The following WNT9B variants were observed in gnomAD, a reference collection of about 807,000 sequenced individuals.
WNT9B encodes protein Wnt-9b.
A neutral mutation model predicts 30.2 loss-of-function variants in WNT9B; 12 were observed. That is an observed-to-expected ratio of 0.40 (90% confidence interval 0.26 to 0.64). The LOEUF is 0.64. WNT9B is among the 30% of genes least tolerant of loss of function. The pLI, the probability that WNT9B is intolerant of heterozygous loss-of-function variation, is 0.42. For missense variants in WNT9B, 442 were observed against 485.2 expected, an observed-to-expected ratio of 0.91 and a Z score of 0.84; for synonymous variants, 218 against 216.9, an observed-to-expected ratio of 1.01 and a Z score of -0.05.
At chr17:46,857,958 C>G (rs1364838592) in intron 1 of WNT9B, among the ~76,000 whole-genome samples, 1 of 152,100 alleles carries the variant, frequency 6.6e-6, no homozygotes, top group African/African-American at 2.4e-5. Context: ...GAGATGGAGT[C>G]TCACTCTGTA....
downstream of WNT9B, among the ~76,000 whole-genome samples, chr17:46,881,671 C>T (rs147713020): frequency 5.7e-3 from 866 of 152,276 alleles, 8 homozygotes; most frequent in African/African-American, 0.02. Flanking sequence ...TCCAGCTGCT[C>T]AATGCCACCA....
chr17:46,845,663 GT>G (rs1446581493), intron 1 of WNT9B, among the ~76,000 whole-genome samples: 1 of 150,972 alleles, frequency 6.6e-6, no homozygotes, highest in African/African-American at 2.4e-5. Flanking sequence ...GCTAACTTTT[GT>G]ATTTTTAGTA....
At chr17:46,840,615 C>A (rs1355258500) in intron 1 of WNT9B, among the ~76,000 whole-genome samples, 2 of 152,242 alleles carry the variant, frequency 1.3e-5, no homozygotes, top group Middle Eastern at 3.2e-3. Context: ...TACACTCCCA[C>A]CAACAGTGTA....
chr17:46,886,092 TTCTC>T (rs2085485677), exon 5 of WNT9B: 1 of 152,334 alleles, frequency 6.6e-6, no homozygotes, highest in South Asian at 2.1e-4. Context: ...ATGAACTTCT[TTCTC>T]TCCCTCCAGC....
At chr17:46,836,882 T>C (rs1159304847) in intron 1 of WNT9B, among the ~76,000 whole-genome samples, 1 of 152,258 alleles carries the variant, frequency 6.6e-6, no homozygotes, top group Non-Finnish European at 1.5e-5. Flanking sequence ...AATTTTGGTT[T>C]GTAAATGAAC....
At chr17:46,856,702 T>C (rs2084944954) in intron 1 of WNT9B, among the ~76,000 whole-genome samples, 1 of 150,808 alleles carries the variant, frequency 6.6e-6, no homozygotes, top group African/African-American at 2.5e-5. Context: ...CAAGCAGGTC[T>C]CAAACTCCTG....
upstream of WNT9B, among the ~76,000 whole-genome samples, chr17:46,846,864 T>C (rs1257341722): frequency 6.6e-6 from 1 of 152,194 alleles, no homozygotes; most frequent in Non-Finnish European, 1.5e-5. Context: ...CTGCCAGCTC[T>C]GGAGTGAGCT....
downstream of WNT9B, among the ~76,000 whole-genome samples, chr17:46,882,990 T>G (rs1462847164): frequency 6.6e-6 from 1 of 151,816 alleles, no homozygotes; most frequent in Non-Finnish European, 1.5e-5. Flanking sequence ...TCCCCATTTT[T>G]TTTTTTGAGA....
At chr17:46,862,198 G>C (rs1455106132) in intron 1 of WNT9B, among the ~76,000 whole-genome samples, 2 of 151,078 alleles carry the variant, frequency 1.3e-5, no homozygotes, top group Admixed American at 6.6e-5. Flanking sequence ...AAAAGAAAAG[G>C]GAAAGAAAAG....
At chr17:46,834,599 G>A (rs2084602484) in intron 1 of WNT9B, among the ~76,000 whole-genome samples, 1 of 152,148 alleles carries the variant, frequency 6.6e-6, no homozygotes, top group African/African-American at 2.4e-5. Context: ...CTGGGCTGTA[G>A]GTAGGGGCTC....
chr17:46,869,742 T>C (rs1465398485), intron 1 of WNT9B, among the ~76,000 whole-genome samples: 3 of 152,152 alleles, frequency 2.0e-5, no homozygotes, highest in Non-Finnish European at 2.9e-5. Flanking sequence ...CTCACGTCTG[T>C]AATTCCAGCA....
At chr17:46,875,073 T>A (rs1040447236) in intron 2 of WNT9B, 28 bp from the exon 3 acceptor site, 1 of 1,613,158 alleles carries the variant, frequency 6.2e-7, no homozygotes, top group Non-Finnish European at 8.5e-7. Flanking sequence ...CTTTCCTCCC[T>A]CCCTATGCCC....
intron 1 of WNT9B, among the ~76,000 whole-genome samples, chr17:46,864,313 C>A (rs1301258098): frequency 6.6e-6 from 1 of 152,180 alleles, no homozygotes; most frequent in African/African-American, 2.4e-5. Context: ...ACTTCCCACC[C>A]ACTGCCTCCA....
chr17:46,838,446 C>T (rs1005248087), intron 1 of WNT9B, among the ~76,000 whole-genome samples: 4 of 151,628 alleles, frequency 2.6e-5, no homozygotes, highest in African/African-American at 9.7e-5. Context: ...GGGCAACATA[C>T]TGAGACCCCA....
chr17:46,882,965 T>A (rs1308619345), downstream of WNT9B, among the ~76,000 whole-genome samples: 1 of 151,382 alleles, frequency 6.6e-6, no homozygotes, highest in Non-Finnish European at 1.5e-5. Context: ...ACCCCAGGGG[T>A]CCATACAACC....
At position 46,876,618 on chromosome 17, in the gene WNT9B, G is replaced by T. The variant is rs756619453; in HGVS notation, c.974G>T (p.Arg325Leu). 16 of 1,611,048 alleles carry T rather than the reference G, an allele frequency of 9.9e-6. No homozygotes were observed. In the South Asian group the frequency reaches 1.3e-4, roughly 13 times the overall value. The change falls in exon 4 of 4, where the codon CGC becomes CTC. Residue 325 changes from arginine (R) to leucine (L), a missense_variant. Arg to Leu is a moderately radical substitution (Grantham distance 102). Transcript: ENST00000290015. ...CCGRGYDTQS[R>L]LVAFSCHCQV... ...GGGCGGGGCTATGACACCCAGAGCC[G>T]CCTGGTGGCCTTCTCCTGCCACTGC...
At chr17:46,867,362 C>G (rs1245917696) in intron 1 of WNT9B, among the ~76,000 whole-genome samples, 1 of 152,228 alleles carries the variant, frequency 6.6e-6, no homozygotes, top group Non-Finnish European at 1.5e-5. Flanking sequence ...GGGATTTGAA[C>G]CCAGGCAGTC....
chr17:46,851,690 C>T lies in WNT9B; in HGVS notation c.52C>T (p.Pro18Ser). Reference sequence around the variant, plus strand: ...GGCCGGGCTCTGCCTGCTGGCGCTGCCCGCCGCCGCCGCCTCCTACTTCGG... The same window carrying T: ...GGCCGGGCTCTGCCTGCTGGCGCTGTCCGCCGCCGCCGCCTCCTACTTCGG... ...ALAGLCLLAL[P>S]AAAASYFGLT... Residue 18 changes from proline to serine, a missense_variant, in exon 1 of 4, where the codon CCC (proline) becomes TCC (serine). Coordinates refer to ENST00000290015, the MANE Select transcript of WNT9B (RefSeq NM_003396.3). The surrounding 1 kb of genome is among the most constrained non-coding windows in gnomAD (Gnocchi z 4.3). 7.6e-7 allele frequency: 1 copy of T among 1,308,722 alleles called. No homozygotes were observed. Among genetic ancestry groups the T allele is most frequent in the Non-Finnish European group, 9.7e-7 (1 of 1,033,288 alleles). The allele number at this position is 1,308,722 out of a possible 1,614,324, so 81.1% of individuals were successfully genotyped here.
chr17:46,883,866 C>T (rs1359955991), downstream of WNT9B, among the ~76,000 whole-genome samples: 1 of 152,206 alleles, frequency 6.6e-6, no homozygotes, highest in African/African-American at 2.4e-5. Context: ...TCTCACGCGT[C>T]TTATCCCCCC....
Sources: gnomAD v4.1 joint callset for allele counts (sites outside exome capture counted in the v4.1 genomes callset) on GRCh38, gnomAD v4.1.1 for gene constraint, Gnocchi (gnomAD v3.1) non-coding constraint, MANE v1.5 for transcripts, NCBI Gene and HGNC (gene_info 2026-07-23, HGNC 2026-07-21) for gene names.